Variants in SOCS7 observed in about 807,000 individuals in gnomAD.
SOCS7 encodes suppressor of cytokine signaling 7, also known as NAP-4.
Under a neutral mutation model 58.9 loss-of-function variants are expected in SOCS7, and 18 were observed. That is an observed-to-expected ratio of 0.31 (90% CI 0.21 to 0.45). The LOEUF is 0.45. Ranked by LOEUF, SOCS7 falls within the 20% of genes least tolerant of loss-of-function variation. SOCS7 has a pLI of 1.00. For synonymous variants in SOCS7, 388 were observed against 364.3 expected, an observed-to-expected ratio of 1.06 and a Z score of -0.74; for missense variants, 667 against 837.3, an observed-to-expected ratio of 0.80 and a Z score of 2.51.
At position 38,369,731 on chromosome 17, in the gene SOCS7, A is replaced by G. The variant is rs551226904; in HGVS notation, c.1552+1681A>G. 2.6e-3 allele frequency among the ~76,000 whole-genome samples: 381 copies of G among 146,140 alleles called. 1 individual carries two copies. Among genetic ancestry groups the G allele is most frequent in the Middle Eastern group, 7.2e-3 (2 of 278 alleles). ...AACTTTGTCACCCAGGTTGGAGTAC[A>G]GTGGCACGATCTCGGCTCATTGCAG... On this transcript the variant is annotated intron_variant, in intron 6 of 9. Coordinates refer to ENST00000612932, the MANE Select transcript of SOCS7 (RefSeq NM_014598.4).
rs7217149 is a variant in SOCS7 at position 38,377,968 on chromosome 17, C to G, written c.1681+126C>G. On this transcript the variant is annotated intron_variant, in intron 7 of 9. Transcript: ENST00000612932. Reference sequence around the variant, plus strand: ...TTCCCTGGCTGTTGGAGCCACCACTCCTCTTACAGAGTCCCATGGTTAATC... The same window carrying G: ...TTCCCTGGCTGTTGGAGCCACCACTGCTCTTACAGAGTCCCATGGTTAATC... The G allele has an allele frequency of 7.5e-3, 6,068 of 805,804 alleles. 250 individuals carry two copies. The African/African-American group carries it at 0.096, about 13-fold the overall frequency. 49.9% of individuals were successfully genotyped at this position (805,804 alleles called of 1,614,324 possible).
At chr17:38,375,146 G>T (rs1448857440) in intron 6 of SOCS7, among the ~76,000 whole-genome samples, 1 of 152,172 alleles carries the variant, frequency 6.6e-6, no homozygotes, top group Non-Finnish European at 1.5e-5. Flanking sequence ...AGTGAGCTGT[G>T]ATCATGCCAC....
chr17:38,357,542 A>G (rs1840118086), intron 1 of SOCS7, among the ~76,000 whole-genome samples: 1 of 152,162 alleles, frequency 6.6e-6, no homozygotes, highest in African/African-American at 2.4e-5. Flanking sequence ...AGTTCCCTCT[A>G]TAGGTTCTTT....
Position 38,401,220 on chromosome 17 carries a change from A to C in SOCS7, c.*1738A>C, listed in dbSNP as rs916746573. The C allele has an allele frequency of 6.6e-6, 1 of 152,198 alleles. No individual in the cohort carries two copies. The highest frequency in any genetic ancestry group is 1.5e-5 in the Non-Finnish European group (1 of 68,034). The allele number at this position is 152,198 out of a possible 1,614,324, so 9.4% of individuals were successfully genotyped here. A position where few individuals can be genotyped will look rare whatever the true frequency, so the allele number is the denominator to read the frequency against. On this transcript the variant is annotated 3_prime_UTR_variant, in exon 10 of 10. Transcript: ENST00000612932. ...CCCACAAGATGAGCTGTGCACCATA[A>C]ACACAGCCCACCTCTGATTTGTCAT...
At position 38,395,998 on chromosome 17, in the gene SOCS7, G is replaced by A. The variant is rs1421313351; in HGVS notation, c.*30G>A. ...GGGCTCCCTGCTGGTCACCACCAAG[G>A]GTATGAGCTCTCTGCCTCACTGCCC... is the stretch of plus-strand genomic sequence containing the variant. On this transcript the variant is annotated splice_region_variant and 3_prime_UTR_variant, in exon 9 of 10. Coordinates refer to ENST00000612932, the MANE Select transcript of SOCS7 (RefSeq NM_014598.4). 1 of 1,574,530 alleles carries A rather than the reference G, an allele frequency of 6.4e-7. No individual in the cohort carries two copies.
chr17:38,381,974 A>C (rs1250341140), intron 7 of SOCS7, among the ~76,000 whole-genome samples: 5 of 106,302 alleles, frequency 4.7e-5, no homozygotes, highest in Non-Finnish European at 9.0e-5. Context: ...AAAAAAAAAA[A>C]CCTAAAAAAA....
chr17:38,397,276 C>T (rs139632143), intron 9 of SOCS7, among the ~76,000 whole-genome samples: 1 of 152,156 alleles, frequency 6.6e-6, no homozygotes, highest in Non-Finnish European at 1.5e-5. Context: ...CAGTGGGGAG[C>T]AAGTTCAGCA....
At chr17:38,397,864 C>T (rs2038264613) in intron 9 of SOCS7, among the ~76,000 whole-genome samples, 2 of 152,206 alleles carry the variant, frequency 1.3e-5, no homozygotes, top group South Asian at 4.1e-4. Context: ...TGGTGGGATA[C>T]TCCTCAAGTT....
intron 1 of SOCS7, among the ~76,000 whole-genome samples, chr17:38,354,308 T>A (rs1449471378): frequency 6.6e-6 from 1 of 152,238 alleles, no homozygotes; most frequent in Non-Finnish European, 1.5e-5. Flanking sequence ...ATAACCTTAC[T>A]GTGAACTAAG....
intron 5 of SOCS7, 85 bp downstream of exon 5, chr17:38,366,502 A>G (rs1053957667): frequency 6.8e-5 from 103 of 1,508,980 alleles, no homozygotes; most frequent in East Asian, 4.3e-4. Context: ...TTATGTGTTT[A>G]TTTATTTTTA....
In SOCS7 at chr17:38,396,133, A is replaced by G. The variant is rs141149459; in HGVS notation, c.*30+135A>G. 4.3e-6 allele frequency: 3 copies of G among 705,482 alleles called. No individual in the cohort carries two copies. In the South Asian group the frequency reaches 7.1e-5, roughly 17 times the overall value. 43.7% of individuals were successfully genotyped at this position (705,482 alleles called of 1,614,324 possible). On this transcript the variant is annotated intron_variant, in intron 9 of 9. Transcript: ENST00000612932. The stretch of plus-strand genomic sequence containing the variant: ...CCAGGCATTTGCCCATAGAATGACA[A>G]GATCTGACCGTGGAGTCCTCAAGGG...
intron 6 of SOCS7, among the ~76,000 whole-genome samples, chr17:38,368,749 G>T (rs144961149): frequency 1.6e-4 from 25 of 152,176 alleles, no homozygotes; most frequent in African/African-American, 5.8e-4. Context: ...TGATCCACCC[G>T]CCTCGGCCTC....
intron 6 of SOCS7, among the ~76,000 whole-genome samples, chr17:38,373,298 C>T (rs1237899783): frequency 6.6e-6 from 1 of 152,070 alleles, no homozygotes; most frequent in Non-Finnish European, 1.5e-5. Flanking sequence ...TAACAGAAGA[C>T]GTAGCTTCTG....
chr17:38,352,712 C>T lies in SOCS7; in HGVS notation c.660C>T (p.Gly220=), dbSNP rs1023619296. The part of the protein sequence containing the change: ...GGGRLLLQPP[G]PELPPVPFPL... Reference sequence around the variant, plus strand: ...GCCGGCTTCTGCTGCAGCCCCCAGGCCCTGAATTACCTCCGGTGCCCTTCC... The same window carrying T: ...GCCGGCTTCTGCTGCAGCCCCCAGGTCCTGAATTACCTCCGGTGCCCTTCC... The change falls in exon 1 of 10, where the codon GGC becomes GGT. Residue 220 remains glycine, a synonymous_variant. Transcript: ENST00000612932. This position sits in a 1 kb window ranked among gnomAD's most constrained non-coding sequence, Gnocchi z 5.5. The T allele has an allele frequency of 6.5e-7, 1 of 1,549,988 alleles. No individual in the cohort carries two copies. The highest frequency in any genetic ancestry group is 1.4e-5 in the African/African-American group (1 of 73,180).
At chr17:38,383,301 C>T (rs2038026850) in intron 7 of SOCS7, among the ~76,000 whole-genome samples, 1 of 152,102 alleles carries the variant, frequency 6.6e-6, no homozygotes, top group Non-Finnish European at 1.5e-5. Flanking sequence ...TAAGACAATG[C>T]CTGACACAGA....
At position 38,403,976 on chromosome 17, in the gene SOCS7, GAA is replaced by G. The variant is rs1461448368; in HGVS notation, c.*4498_*4499del. On this transcript the variant is annotated 3_prime_UTR_variant, in exon 10 of 10. Transcript: ENST00000612932. ...AGTAAAACCTTTTTTATTAAAAAAA[GAA>G]AAAGAAAAAAAAAAGAAAGAAAAGT... 5.3e-5 allele frequency: 8 copies of G among 150,204 alleles called. No individual in the cohort carries two copies. In the East Asian group the frequency reaches 1.6e-3, roughly 29 times the overall value. 9.3% of individuals were successfully genotyped at this position (150,204 alleles called of 1,614,324 possible). A position where few individuals can be genotyped will look rare whatever the true frequency, so the allele number is the denominator to read the frequency against.
rs746955104 is a variant in SOCS7 at position 38,377,839 on chromosome 17, C to G, written c.1678C>G (p.Pro560Ala). Residue 560 changes from proline (P) to alanine (A), a missense_variant, in exon 7 of 10, where the codon CCA becomes GCA. By Grantham distance (27) the Pro-to-Ala change is conservative (BLOSUM62 -1). Transcript: ENST00000612932. Reference protein sequence around the residue: ...KFLYFLRSRVPGLPPTPVQLL... With the variant: ...KFLYFLRSRVAGLPPTPVQLL... ...TCTCTATTTCTTAAGATCCAGGGTT[C>G]CAGGTAAGGCTGTACTTCTGTTAAT... The G allele has an allele frequency of 6.2e-7, 1 of 1,612,360 alleles. No individual in the cohort carries two copies. The highest frequency in any genetic ancestry group is 8.5e-7 in the Non-Finnish European group (1 of 1,179,438).
chr17:38,389,870 T>TATATAGATATATGTAC (rs2038136152), intron 7 of SOCS7, among the ~76,000 whole-genome samples: 1 of 95,334 alleles, frequency 1.0e-5, no homozygotes, highest in African/African-American at 4.4e-5. Context: ...TGTGTGTACA[T>TATATAGATATATGTAC]ATATATATAT....
intron 6 of SOCS7, among the ~76,000 whole-genome samples, chr17:38,370,215 C>G (rs1361024808): frequency 6.6e-6 from 1 of 152,036 alleles, no homozygotes; most frequent in Non-Finnish European, 1.5e-5. Flanking sequence ...CCAGGCTGGT[C>G]TCGAACTCCT....
Sources: gnomAD v4.1 joint callset for allele counts (sites outside exome capture counted in the v4.1 genomes callset) on GRCh38, gnomAD v4.1.1 for gene constraint, Gnocchi (gnomAD v3.1) non-coding constraint, MANE v1.5 for transcripts, NCBI Gene and HGNC (gene_info 2026-07-23, HGNC 2026-07-21) for gene names.